The following GSE1 variants were observed in gnomAD, a reference collection of about 807,000 sequenced individuals.
GSE1 encodes Gse1 coiled-coil protein.
Under a neutral mutation model 112.6 loss-of-function variants are expected in GSE1, and 32 were observed. That is an observed-to-expected ratio of 0.28 (90% CI 0.21 to 0.38). GSE1 has a LOEUF of 0.38. Ranked by LOEUF, GSE1 falls within the 10% of genes least tolerant of loss-of-function variation. The pLI is 1.00. For missense variants in GSE1, 2,348 were observed against 1,699.2 expected, an observed-to-expected ratio of 1.38 and a Z score of -6.71; for synonymous variants, 1,115 against 735.6, an observed-to-expected ratio of 1.52 and a Z score of -8.35.
chr16:85,666,161 G>A lies in GSE1; in HGVS notation c.2944G>A (p.Gly982Ser). The A allele has an allele frequency of 6.2e-7, 1 of 1,613,470 alleles. No individual in the cohort carries two copies. Among genetic ancestry groups the A allele is most frequent in the Non-Finnish European group, 8.5e-7 (1 of 1,180,034 alleles). Residue 982 changes from glycine (G) to serine (S), a missense_variant, in exon 13 of 16, where the codon GGC (glycine) becomes AGC (serine). Coordinates refer to ENST00000253458, the MANE Select transcript of GSE1 (RefSeq NM_014615.5). Reference sequence around the variant, plus strand: ...GGCCAGGCTGAGCGAGGCCCCTGGAGGCAAAAAGAGTCTGAGCATGCTTCA... The same window carrying A: ...GGCCAGGCTGAGCGAGGCCCCTGGAAGCAAAAAGAGTCTGAGCATGCTTCA... ...EKARLSEAPGGKKSLSMLHYI... is the reference protein window; with the variant it reads ...EKARLSEAPGSKKSLSMLHYI...
intron 2 of GSE1, among the ~76,000 whole-genome samples, chr16:85,377,287 C>T (rs2047442225): frequency 6.6e-6 from 1 of 152,192 alleles, no homozygotes; most frequent in Non-Finnish European, 1.5e-5. Flanking sequence ...GTCTGAATTG[C>T]AGGGTGCCAT....
At position 85,613,339 on chromosome 16, in the gene GSE1, G is replaced by A. The variant is rs2048123152; in HGVS notation, c.-53G>A. 1.3e-6 allele frequency: 2 copies of A among 1,560,054 alleles called. No individual in the cohort carries two copies. The highest frequency in any genetic ancestry group is 1.9e-5 in the Admixed American group (1 of 52,648). Reference sequence around the variant, plus strand: ...AGATAAGCAGTTTAGACAAACACTGGGCGACGGTGGCTCCAGCATGTATCA... The same window carrying A: ...AGATAAGCAGTTTAGACAAACACTGAGCGACGGTGGCTCCAGCATGTATCA... On this transcript the variant is annotated 5_prime_UTR_variant, in exon 1 of 16. Coordinates refer to ENST00000253458, the MANE Select transcript of GSE1 (RefSeq NM_014615.5).
intron 2 of GSE1, among the ~76,000 whole-genome samples, chr16:85,366,605 G>A (rs1204535554): frequency 6.6e-6 from 1 of 152,198 alleles, no homozygotes; most frequent in African/African-American, 2.4e-5. Context: ...TACCCATGCT[G>A]GGTCTAGAGA....
chr16:85,304,751 C>A (rs2045629377), intron 1 of GSE1, among the ~76,000 whole-genome samples: 1 of 152,164 alleles, frequency 6.6e-6, no homozygotes, highest in Admixed American at 6.5e-5. Flanking sequence ...CAGGCCAGGG[C>A]CCTCTCGACT....
intron 1 of GSE1, among the ~76,000 whole-genome samples, chr16:85,243,521 C>A (rs957901366): frequency 5.3e-5 from 8 of 152,232 alleles, no homozygotes; most frequent in African/African-American, 1.9e-4. Flanking sequence ...ATCCCAGGAG[C>A]CTTGCACATG....
chr16:85,329,422 C>A (rs988686011), intron 1 of GSE1, among the ~76,000 whole-genome samples: 1 of 152,072 alleles, frequency 6.6e-6, no homozygotes, highest in Non-Finnish European at 1.5e-5. Flanking sequence ...ACAGCCCCAG[C>A]CCCAGGGGCT....
intron 2 of GSE1, among the ~76,000 whole-genome samples, chr16:85,459,298 C>T (rs113121750): frequency 1.8e-3 from 275 of 152,306 alleles, no homozygotes; most frequent in African/African-American, 6.2e-3. Context: ...ACCACCAGCC[C>T]ATATGGCTCC....
Position 85,657,268 on chromosome 16 carries a change from C to T in GSE1, c.1313-9C>T, listed in dbSNP as rs771564626. The stretch of plus-strand genomic sequence containing the variant: ...CTGAGATCCTGCTTGACCGTGTTTC[C>T]CCCCACAGAGAAGCTGAAGGATGCC... On this transcript the variant is annotated splice_polypyrimidine_tract_variant and intron_variant, in intron 7 of 15. Transcript: ENST00000253458. 5.0e-5 allele frequency: 77 copies of T among 1,526,636 alleles called. No homozygotes were observed. In the Middle Eastern group the frequency reaches 1.1e-3, roughly 22 times the overall value. The allele number at this position is 1,526,636 out of a possible 1,614,324, so 94.6% of individuals were successfully genotyped here.
intron 1 of GSE1, among the ~76,000 whole-genome samples, chr16:85,589,155 CA>C (rs2046848281): frequency 1.3e-5 from 2 of 152,198 alleles, no homozygotes; most frequent in Admixed American, 6.5e-5. Flanking sequence ...GCCCCACCCC[CA>C]CCGGCTTCCT....
intron 1 of GSE1, among the ~76,000 whole-genome samples, chr16:85,264,626 G>C (rs954171482): frequency 2.0e-5 from 3 of 152,190 alleles, no homozygotes; most frequent in African/African-American, 4.8e-5. Flanking sequence ...CTCTGAGCTC[G>C]CATGAGATCC....
At chr16:85,611,296 G>A (rs1273924235), upstream of GSE1, 1 of 153,312 alleles carries the variant, frequency 6.5e-6, no homozygotes, top group African/African-American at 2.5e-5. Flanking sequence ...CTCCCAGTGG[G>A]GGTGGAGGCG....
rs985102256 is a variant in GSE1, at chr16:85,605,724, T to C, written c.38-42828T>C. Among the ~76,000 whole-genome samples the C allele has an allele frequency of 2.0e-4, 30 of 151,816 alleles. 1 individual carries two copies. Among genetic ancestry groups the C allele is most frequent in the Non-Finnish European group, 8.8e-5 (6 of 67,978 alleles). ...TTAACGTTTGCTGTCTGGGTGGTCA[T>C]TGAATGGGGTTAACACGTCTGGCCC... is the stretch of plus-strand genomic sequence containing the variant. On this transcript the variant is annotated intron_variant, in intron 1 of 2. Coordinates refer to the GSE1 transcript ENST00000635906.
intron 2 of GSE1, among the ~76,000 whole-genome samples, chr16:85,470,812 G>A (rs77645084): frequency 0.082 from 12,520 of 152,214 alleles, 561 homozygotes; most frequent in East Asian, 0.12. Context: ...CTTTTAATGA[G>A]CGGCGATTAA....
intron 1 of GSE1, among the ~76,000 whole-genome samples, chr16:85,238,997 G>A (rs546127058): frequency 1.3e-3 from 193 of 151,970 alleles, no homozygotes; most frequent in African/African-American, 3.4e-3. Flanking sequence ...GTGCGATCTC[G>A]GCTCACTGCA....
chr16:85,466,979 G>A (rs1486727517), intron 2 of GSE1, among the ~76,000 whole-genome samples: 4 of 152,260 alleles, frequency 2.6e-5, no homozygotes. Context: ...AGAATCATCT[G>A]AACCCCAGAG....
intron 1 of GSE1, among the ~76,000 whole-genome samples, chr16:85,223,753 C>T (rs937614298): frequency 3.3e-5 from 5 of 151,316 alleles, no homozygotes; most frequent in Admixed American, 2.0e-4. Context: ...TACAGGCTTG[C>T]GCCACCATGC....
chr16:85,634,283 A>T, intron 2 of GSE1, 151 bp downstream of exon 2: 1 of 582,964 alleles, frequency 1.7e-6, no homozygotes, highest in South Asian at 2.4e-5. Flanking sequence ...GCTGAGCTAC[A>T]GACCCTGGGC....
At chr16:85,382,947 ATGCACACACG>A (rs1006789678) in intron 2 of GSE1, among the ~76,000 whole-genome samples, 1 of 151,192 alleles carries the variant, frequency 6.6e-6, no homozygotes, top group South Asian at 2.1e-4. Context: ...ACACGTACAC[ATGCACACACG>A]TGCACACACA....
chr16:85,553,860 T>A (rs1203257780), upstream of GSE1, among the ~76,000 whole-genome samples: 1 of 152,208 alleles, frequency 6.6e-6, no homozygotes, highest in African/African-American at 2.4e-5. Flanking sequence ...AACTGTCATT[T>A]GAAGCCGCTG....
Sources: allele counts gnomAD v4.1 joint callset (sites outside exome capture counted in the v4.1 genomes callset), GRCh38; gene constraint gnomAD v4.1.1; transcripts MANE v1.5; gene names NCBI Gene and HGNC (gene_info 2026-07-23, HGNC 2026-07-21).